The following LAMB1 variants were observed in gnomAD, a reference collection of about 807,000 sequenced individuals.
LAMB1 encodes the protein laminin subunit beta-1.
LAMB1 carries 121 observed loss-of-function variants against 222.3 expected under a neutral mutation model. That is an observed-to-expected ratio of 0.54 (90% CI 0.47 to 0.63). LAMB1 has a LOEUF of 0.63. Ranked by LOEUF, LAMB1 falls within the 30% of genes least tolerant of loss-of-function variation. LAMB1 has a pLI of 0.00. For missense variants in LAMB1, 2,172 were observed against 2,240.8 expected (o/e 0.97, Z 0.62); for synonymous variants, 794 against 807.2 (o/e 0.98, Z 0.28).
intron 14 of LAMB1, among the ~76,000 whole-genome samples, chr7:107,964,275 G>A (rs575714165): frequency 5.3e-5 from 8 of 152,264 alleles, no homozygotes; most frequent in African/African-American, 1.9e-4. Context: ...TGATAACTTT[G>A]GAGCATAAGT....
At chr7:107,936,276 C>A (rs944090811) in intron 26 of LAMB1, 4 of 152,260 alleles carry the variant, frequency 2.6e-5, no homozygotes, top group African/African-American at 9.7e-5. Flanking sequence ...TGTGGTGGTT[C>A]ACCTCTATAA....
At chr7:107,931,539 T>G (rs777458892) in intron 28 of LAMB1, 39 bp from the exon 29 acceptor site, 1 of 1,593,874 alleles carries the variant, frequency 6.3e-7, no homozygotes, top group Non-Finnish European at 8.6e-7. Context: ...AAGACTTTCA[T>G]TCTTTCTAAA....
intron 26 of LAMB1, among the ~76,000 whole-genome samples, chr7:107,936,737 G>A (rs2032856551): frequency 6.6e-6 from 1 of 151,788 alleles, no homozygotes; most frequent in Non-Finnish European, 1.5e-5. Flanking sequence ...GAATGTGAAA[G>A]GATTTGCAGA....
In LAMB1 at chr7:107,994,888, T is replaced by C. The variant is rs754489949; in HGVS notation, c.422A>G (p.Lys141Arg). Residue 141 changes from lysine to arginine, a missense_variant and splice_region_variant, in exon 5 of 34, where the codon AAG becomes AGG. Physicochemically the swap from Lys to Arg is conservative, Grantham distance 26. Transcript: ENST00000222399. Reference protein sequence around the residue: ...FHFTHLIMTFKTFRPAAMLIE... With the variant: ...FHFTHLIMTFRTFRPAAMLIE... The stretch of plus-strand genomic sequence containing the variant: ...GTGAGAAAGTCATGGATTTCTTACC[T>C]TGAAAGTCATTATGAGATGAGTAAA... 6.3e-7 allele frequency: 1 copy of C among 1,575,576 alleles called. No individual in the cohort carries two copies. The highest frequency in any genetic ancestry group is 8.7e-7 in the Non-Finnish European group (1 of 1,145,896).
At chr7:107,995,283 C>T (rs1484788419) in intron 4 of LAMB1, among the ~76,000 whole-genome samples, 3 of 152,200 alleles carry the variant, frequency 2.0e-5, no homozygotes, top group African/African-American at 7.2e-5. Flanking sequence ...AGTGAAACAT[C>T]TTCCCAACCC....
At chr7:107,992,832 G>A (rs1476357391) in intron 5 of LAMB1, among the ~76,000 whole-genome samples, 1 of 152,116 alleles carries the variant, frequency 6.6e-6, no homozygotes, top group Non-Finnish European at 1.5e-5. Context: ...GAGGCGGAGG[G>A]TGTAGTGAGC....
At chr7:107,970,659 A>C (rs1261080158) in intron 13 of LAMB1, among the ~76,000 whole-genome samples, 2 of 152,156 alleles carry the variant, frequency 1.3e-5, no homozygotes, top group Non-Finnish European at 2.9e-5. Context: ...TTTTTCATTA[A>C]AACAGGTAAT....
intron 32 of LAMB1, 95 bp from the exon 33 acceptor site, chr7:107,924,484 T>A: frequency 1.1e-6 from 1 of 906,858 alleles, no homozygotes; most frequent in Non-Finnish European, 1.6e-6. Flanking sequence ...CATTCTGGAT[T>A]AAGGGCCACC....
chr7:107,967,596 T>C (rs927471480), intron 13 of LAMB1, among the ~76,000 whole-genome samples: 2 of 152,200 alleles, frequency 1.3e-5, no homozygotes, highest in African/African-American at 4.8e-5. Context: ...ACACTCCTCA[T>C]ACTCTTCAGC....
intron 7 of LAMB1, 146 bp from the exon 8 acceptor site, chr7:107,980,957 A>C: frequency 1.7e-6 from 1 of 597,312 alleles, no homozygotes; most frequent in Admixed American, 2.9e-5. Flanking sequence ...GATGACTCCA[A>C]TAGTGAAGCC....
intron 5 of LAMB1, among the ~76,000 whole-genome samples, chr7:107,987,344 T>G (rs961200774): frequency 3.3e-5 from 5 of 152,146 alleles, no homozygotes; most frequent in African/African-American, 9.7e-5. Context: ...ATGAAAAAGT[T>G]CTGGAAATAG....
At chr7:107,981,230 T>TG (rs1177919366) in intron 7 of LAMB1, among the ~76,000 whole-genome samples, 1 of 152,166 alleles carries the variant, frequency 6.6e-6, no homozygotes, top group African/African-American at 2.4e-5. Flanking sequence ...GCGGATCACC[T>TG]GAGGTCAGGA....
intron 5 of LAMB1, among the ~76,000 whole-genome samples, 164 bp downstream of exon 5, chr7:107,994,723 C>A (rs2034251749): frequency 6.6e-6 from 1 of 152,174 alleles, no homozygotes; most frequent in Non-Finnish European, 1.5e-5. Flanking sequence ...TTGTTAAATG[C>A]AGTTATTCAT....
At chr7:107,991,794 G>A (rs182590467) in intron 5 of LAMB1, among the ~76,000 whole-genome samples, 138 of 150,138 alleles carry the variant, frequency 9.2e-4, no homozygotes, top group African/African-American at 3.1e-3. Flanking sequence ...CGTAATCCTA[G>A]CTACTCGGGA....
chr7:107,953,168 C>G (rs796945678), intron 22 of LAMB1, among the ~76,000 whole-genome samples: 4 of 152,230 alleles, frequency 2.6e-5, no homozygotes, highest in African/African-American at 9.6e-5. Flanking sequence ...ACCAACCTGA[C>G]CAACATGGTG....
Position 107,972,980 on chromosome 7 carries a change from A to G in LAMB1, c.1562+12T>C. 7 of 1,601,364 alleles carry G rather than the reference A, an allele frequency of 4.4e-6. No individual in the cohort carries two copies. The highest frequency in any genetic ancestry group is 6.0e-6 in the Non-Finnish European group (7 of 1,168,404). ...AGACTGAGGACAAGAGCATACGTAGAGCTCCATTTACCTGTTGTTTAAGGC... is the reference window on the plus strand; with the variant it reads ...AGACTGAGGACAAGAGCATACGTAGGGCTCCATTTACCTGTTGTTTAAGGC... On this transcript the variant is annotated intron_variant, in intron 13 of 33. Transcript: ENST00000222399.
chr7:107,966,610 T>C (rs543083549), intron 13 of LAMB1, among the ~76,000 whole-genome samples: 2 of 152,362 alleles, frequency 1.3e-5, no homozygotes, highest in East Asian at 3.9e-4. Context: ...GAACAAAAGC[T>C]ATTTTCAGAA....
chr7:107,942,505 G>T (rs2033014851), intron 24 of LAMB1: 1 of 152,204 alleles, frequency 6.6e-6, no homozygotes, highest in Non-Finnish European at 1.5e-5. Context: ...CAGGTTTGAG[G>T]AGTACAGCAT....
At chr7:107,949,568 A>G (rs1017923694) in intron 24 of LAMB1, among the ~76,000 whole-genome samples, 11 of 152,220 alleles carry the variant, frequency 7.2e-5, no homozygotes, top group African/African-American at 2.4e-4. Flanking sequence ...CTGGATTTCA[A>G]TACCTTCTAA....
Sources: gnomAD v4.1 joint callset for allele counts (sites outside exome capture counted in the v4.1 genomes callset) on GRCh38, gnomAD v4.1.1 for gene constraint, MANE v1.5 for transcripts, NCBI Gene and HGNC (gene_info 2026-07-23, HGNC 2026-07-21) for gene names.